Variants in DOCK4 observed in about 807,000 individuals in gnomAD.
DOCK4 encodes dedicator of cytokinesis 4.
Under a neutral mutation model 268.1 loss-of-function variants are expected in DOCK4, and 97 were observed. That is an observed-to-expected ratio of 0.36 (90% CI 0.31 to 0.43). The LOEUF (loss-of-function observed/expected upper bound fraction) is 0.43. DOCK4 is among the 20% of genes least tolerant of loss of function. The pLI, the probability that DOCK4 is intolerant of heterozygous loss-of-function variation, is 1.00. For synonymous variants in DOCK4, 954 were observed against 887.2 expected (o/e 1.08, Z -1.34); for missense variants, 2,145 against 2,455.7 (o/e 0.87, Z 2.67).
chr7:112,100,262 C>T (rs1317823963), intron 1 of DOCK4, among the ~76,000 whole-genome samples: 2 of 152,164 alleles, frequency 1.3e-5, no homozygotes, highest in African/African-American at 2.4e-5. Flanking sequence ...GCATAATTCT[C>T]CTCAAAGATA....
intron 1 of DOCK4, among the ~76,000 whole-genome samples, chr7:112,036,653 T>A (rs1284850077): frequency 1.7e-5 from 2 of 120,618 alleles, no homozygotes; most frequent in African/African-American, 6.2e-5. Context: ...TCTTAGAGGA[T>A]TTCTTTTTTT....
chr7:112,050,683 A>T (rs1173881901), intron 1 of DOCK4, among the ~76,000 whole-genome samples: 2 of 152,128 alleles, frequency 1.3e-5, no homozygotes, highest in African/African-American at 2.4e-5. Context: ...CAAGAGAGAA[A>T]GCTCTAGCTT....
At chr7:111,969,099 T>C (rs1312242782) in intron 8 of DOCK4, among the ~76,000 whole-genome samples, 1 of 116,040 alleles carries the variant, frequency 8.6e-6, no homozygotes, top group African/African-American at 3.7e-5. Flanking sequence ...TTGGGAGATA[T>C]ACCTAATGCT....
intron 16 of DOCK4, among the ~76,000 whole-genome samples, chr7:111,893,534 AT>A (rs1808468899): frequency 1.3e-5 from 2 of 152,320 alleles, no homozygotes; most frequent in South Asian, 4.1e-4. Flanking sequence ...ATGAAGTACC[AT>A]TTATGTTTTC....
chr7:111,734,048 C>T (rs531664877), intron 51 of DOCK4, among the ~76,000 whole-genome samples: 1 of 152,252 alleles, frequency 6.6e-6, no homozygotes, highest in Admixed American at 6.5e-5. Flanking sequence ...AGCAATTCTC[C>T]CACCTAAGCC....
chr7:111,990,476 G>A (rs1312297153), intron 5 of DOCK4, among the ~76,000 whole-genome samples: 4 of 152,182 alleles, frequency 2.6e-5, no homozygotes, highest in East Asian at 3.9e-4. Context: ...TCTGGGTGAT[G>A]GGTAAAGACA....
chr7:112,001,424 T>C (rs926617190), intron 2 of DOCK4, among the ~76,000 whole-genome samples: 2 of 152,156 alleles, frequency 1.3e-5, no homozygotes, highest in African/African-American at 4.8e-5. Flanking sequence ...CACCCATTAG[T>C]TATTTACTAG....
chr7:112,184,320 G>T (rs902251267), intron 1 of DOCK4, among the ~76,000 whole-genome samples: 10 of 152,106 alleles, frequency 6.6e-5, no homozygotes, highest in African/African-American at 2.4e-4. Flanking sequence ...ATATAACTGG[G>T]CAGGGTCAGG....
chr7:112,147,345 C>A (rs1815608653), intron 1 of DOCK4, among the ~76,000 whole-genome samples: 1 of 152,034 alleles, frequency 6.6e-6, no homozygotes, highest in Non-Finnish European at 1.5e-5. Flanking sequence ...TCTACTAGTA[C>A]CAGAATAGAC....
intron 26 of DOCK4, among the ~76,000 whole-genome samples, chr7:111,826,477 GATATT>G (rs760189423): frequency 5.9e-5 from 9 of 151,992 alleles, no homozygotes; most frequent in Middle Eastern, 3.2e-3. Context: ...ATGATACTAT[GATATT>G]AAGAAAGACA....
intron 16 of DOCK4, among the ~76,000 whole-genome samples, chr7:111,879,796 CAG>C (rs1807227112): frequency 6.6e-6 from 1 of 152,202 alleles, no homozygotes; most frequent in South Asian, 2.1e-4. Flanking sequence ...ACGAATGCAT[CAG>C]AGTCTCTTAA....
intron 16 of DOCK4, among the ~76,000 whole-genome samples, chr7:111,888,563 G>C (rs1808034302): frequency 6.6e-6 from 1 of 151,980 alleles, no homozygotes; most frequent in Non-Finnish European, 1.5e-5. Flanking sequence ...ACAGCCTAGG[G>C]TGTGGCCATA....
intron 35 of DOCK4, among the ~76,000 whole-genome samples, chr7:111,779,968 A>G (rs773781498): frequency 4.7e-4 from 72 of 152,328 alleles, no homozygotes; most frequent in Non-Finnish European, 8.5e-4. Flanking sequence ...GGTGTGTGGA[A>G]GAAGGGGAAA....
intron 1 of DOCK4, among the ~76,000 whole-genome samples, chr7:112,128,538 T>C (rs1386836487): frequency 6.6e-6 from 1 of 152,200 alleles, no homozygotes; most frequent in Admixed American, 6.5e-5. Flanking sequence ...TAGAAAGAAG[T>C]AGACATGGGA....
chr7:111,844,481 G>C (rs928371837), intron 25 of DOCK4, among the ~76,000 whole-genome samples: 2 of 152,172 alleles, frequency 1.3e-5, no homozygotes, highest in African/African-American at 4.8e-5. Context: ...TCATCAAGTT[G>C]ACTTGGAATA....
Position 111,758,667 on chromosome 7 carries a change from C to T in DOCK4, c.4286G>A (p.Arg1429Gln), listed in dbSNP as rs1483364539. The part of the protein sequence containing the change: ...VNHIWKFRYD[R>Q]PFHKGTKDKE... The stretch of plus-strand genomic sequence containing the variant: ...ATCTTTTGTGCCTTTGTGAAATGGT[C>T]GGTCATAGCGGAATTTCCAGATGTG... Residue 1429 changes from arginine to glutamine, a missense_variant, in exon 41 of 53, where the codon CGA (arginine) becomes CAA (glutamine). Arg to Gln is a conservative substitution (Grantham distance 43). Around this residue, in one of 2 missense-constraint regions of DOCK4, gnomAD observed 1,598 missense variants for 1,986.7 expected, o/e 0.80. Transcript: ENST00000428084. 1.2e-6 allele frequency: 2 copies of T among 1,613,904 alleles called. No homozygotes were observed. Among genetic ancestry groups the T allele is most frequent in the Non-Finnish European group, 8.5e-7 (1 of 1,179,860 alleles).
chr7:111,868,064 A>C lies in DOCK4; in HGVS notation c.2200T>G (p.Cys734Gly). 1 of 1,613,828 alleles carries C rather than the reference A, an allele frequency of 6.2e-7. No homozygotes were observed. The highest frequency in any genetic ancestry group is 1.1e-5 in the South Asian group (1 of 91,034). Residue 734 changes from cysteine (C) to glycine (G), a missense_variant, in exon 22 of 53, where the codon TGC (cysteine) becomes GGC (glycine). Around this residue, in one of 2 missense-constraint regions of DOCK4, gnomAD observed 1,598 missense variants for 1,986.7 expected, o/e 0.80. Transcript: ENST00000428084. ...ACTGACATGAGAAGCTCCTGAATGC[A>C]GCAGCGGAACTCCTCTTCGTTTTGC... is the stretch of plus-strand genomic sequence containing the variant. ...GGQNEEEFRC[C>G]IQELLMSVRF...
intron 7 of DOCK4, among the ~76,000 whole-genome samples, chr7:111,977,923 C>A (rs3852333): frequency 0.12 from 18,510 of 152,216 alleles, 1,199 homozygotes; most frequent in Middle Eastern, 0.18. Flanking sequence ...CCTTCAATCC[C>A]TTCCTCAATA....
At chr7:112,202,511 T>C (rs1821033746) in intron 1 of DOCK4, among the ~76,000 whole-genome samples, 2 of 75,332 alleles carry the variant, frequency 2.7e-5, no homozygotes, top group South Asian at 9.9e-4. Flanking sequence ...TGAGGTGTAA[T>C]TTGTTAATAG....
Sources: gnomAD v4.1 joint callset for allele counts (sites outside exome capture counted in the v4.1 genomes callset) on GRCh38, gnomAD v4.1.1 for gene constraint, gnomAD v4.1.1 regional missense constraint, MANE v1.5 for transcripts, NCBI Gene and HGNC (gene_info 2026-07-23, HGNC 2026-07-21) for gene names.